Variants in MRC2 observed in about 807,000 individuals in gnomAD.
MRC2 encodes mannose receptor C-type 2.
Under a neutral mutation model 206.2 loss-of-function variants are expected in MRC2, and 84 were observed. The observed-to-expected ratio is 0.41, with a 90% CI of 0.34 to 0.49. The LOEUF (loss-of-function observed/expected upper bound fraction) is 0.49, where lower values mean the gene tolerates loss of function less well. Among genes scored for constraint, MRC2 ranks in the 20% least tolerant of loss-of-function variants. MRC2 has a pLI of 0.31. For missense variants in MRC2, 1,676 were observed against 2,001.5 expected (o/e 0.84, Z 3.10); for synonymous variants, 798 against 800.0 (o/e 1.00, Z 0.04).
rs2088875377 is a variant in MRC2, at chr17:62,675,131, A to G, written c.1570-659A>G. On this transcript the variant is annotated intron_variant, in intron 9 of 29. Transcript: ENST00000303375. The surrounding 1 kb of genome is among the most constrained non-coding windows in gnomAD (Gnocchi z 4.1). ...AGGGAGGAGTAGAGAGGAATTACCAACTTCTCTGGCACCAAGGCCAGCCTG... is the reference window on the plus strand; with the variant it reads ...AGGGAGGAGTAGAGAGGAATTACCAGCTTCTCTGGCACCAAGGCCAGCCTG... Among the ~76,000 whole-genome samples the G allele has an allele frequency of 2.0e-5, 3 of 152,036 alleles. No homozygotes were observed. The highest frequency in any genetic ancestry group is 7.2e-5 in the African/African-American group (3 of 41,394).
intron 1 of MRC2, among the ~76,000 whole-genome samples, chr17:62,663,022 C>G (rs1337707947): frequency 6.6e-6 from 1 of 152,166 alleles, no homozygotes; most frequent in African/African-American, 2.4e-5. Context: ...TGCAAAAGTT[C>G]TTTGGAGATT....
Position 62,667,691 on chromosome 17 carries a change from A to T in MRC2, c.1117+158A>T, listed in dbSNP as rs543449344. ...TATTTCATTGTTCAGTTAAAGTCTGAGCAAATTGGAATATGTCATTAATTC... is the reference window on the plus strand; with the variant it reads ...TATTTCATTGTTCAGTTAAAGTCTGTGCAAATTGGAATATGTCATTAATTC... On this transcript the variant is annotated intron_variant, in intron 6 of 29. Transcript: ENST00000303375. This position sits in a 1 kb window ranked among gnomAD's most constrained non-coding sequence, Gnocchi z 4.1. 5.3e-5 allele frequency among the ~76,000 whole-genome samples: 8 copies of T among 152,334 alleles called. No individual in the cohort carries two copies. The highest frequency in any genetic ancestry group is 1.9e-4 in the African/African-American group (8 of 41,568).
intron 20 of MRC2, 44 bp from the exon 21 acceptor site, chr17:62,688,244 TG>T: frequency 1.3e-6 from 2 of 1,565,426 alleles, no homozygotes; most frequent in Non-Finnish European, 1.8e-6. Flanking sequence ...GGTTTGTGGA[TG>T]GGGTGGTGGG....
At position 62,671,619 on chromosome 17, in the gene MRC2, C is replaced by G; in HGVS notation, c.1118-30C>G. On this transcript the variant is annotated intron_variant, in intron 6 of 29. Coordinates refer to ENST00000303375, the MANE Select transcript of MRC2 (RefSeq NM_006039.5). The surrounding 1 kb of genome is among the most constrained non-coding windows in gnomAD (Gnocchi z 4.5). The stretch of plus-strand genomic sequence containing the variant: ...GGTTCCCAGACTGGGCGGCTCAGTC[C>G]CTGAGCAGCAGCCTCATGGGTCTCT... The G allele has an allele frequency of 6.5e-7, 1 of 1,534,256 alleles. No homozygotes were observed. The highest frequency in any genetic ancestry group is 8.8e-7 in the Non-Finnish European group (1 of 1,138,424).
In MRC2 at chr17:62,675,780, CT is replaced by C. The variant is rs1466134441; in HGVS notation, c.1570-8del. ...TACAGACACCCCTCTTCTGTCCACTCTTGAGCCAGGGTTGGACGTGGCACAG... is the reference window on the plus strand; with the variant it reads ...TACAGACACCCCTCTTCTGTCCACTCTGAGCCAGGGTTGGACGTGGCACAG... On this transcript the variant is annotated splice_polypyrimidine_tract_variant and intron_variant, in intron 9 of 29. Transcript: ENST00000303375. The surrounding 1 kb of genome is among the most constrained non-coding windows in gnomAD (Gnocchi z 4.1). The C allele has an allele frequency of 2.5e-6, 4 of 1,611,790 alleles. No homozygotes were observed. The highest frequency in any genetic ancestry group is 1.7e-5 in the Admixed American group (1 of 60,024).
At chr17:62,684,769 C>T (rs181054939) in intron 20 of MRC2, among the ~76,000 whole-genome samples, 3 of 152,268 alleles carry the variant, frequency 2.0e-5, no homozygotes, top group Non-Finnish European at 4.4e-5. Flanking sequence ...TAATATAATC[C>T]ACAAATCCTT....
At chr17:62,640,136 G>A (rs984529948) in intron 1 of MRC2, among the ~76,000 whole-genome samples, 1 of 149,748 alleles carries the variant, frequency 6.7e-6, no homozygotes. Flanking sequence ...CTCCCAAAGT[G>A]CTGGGATTAC....
chr17:62,668,647 G>A (rs191971252), intron 6 of MRC2, among the ~76,000 whole-genome samples: 9 of 152,352 alleles, frequency 5.9e-5, no homozygotes, highest in African/African-American at 1.9e-4. Flanking sequence ...GTGAAGAAGA[G>A]GCAGGTTGCA....
intron 1 of MRC2, among the ~76,000 whole-genome samples, chr17:62,646,135 C>T (rs1293248229): frequency 2.0e-5 from 3 of 151,562 alleles, no homozygotes; most frequent in African/African-American, 7.3e-5. Flanking sequence ...CACCATTCTC[C>T]TGCCTCAGCC....
chr17:62,679,738 T>G, intron 13 of MRC2, 62 bp from the exon 14 acceptor site: 3 of 1,510,042 alleles, frequency 2.0e-6, no homozygotes, highest in Non-Finnish European at 1.8e-6. Flanking sequence ...AGGGGGCACG[T>G]TTGGGTTCCT....
rs370236938 is a variant in MRC2, at chr17:62,678,656, C to T, written c.2195+10C>T. The T allele has an allele frequency of 1.9e-4, 308 of 1,607,122 alleles. No homozygotes were observed. The highest frequency in any genetic ancestry group is 9.6e-4 in the Admixed American group (56 of 58,434). On this transcript the variant is annotated intron_variant, in intron 13 of 29. Transcript: ENST00000303375. Reference sequence around the variant, plus strand: ...TCAACAAGATCTTCGGGTACTGAGCCGGGCTGAGGCGTGTTAGGAGGGCAC... The same window carrying T: ...TCAACAAGATCTTCGGGTACTGAGCTGGGCTGAGGCGTGTTAGGAGGGCAC...
intron 1 of MRC2, among the ~76,000 whole-genome samples, chr17:62,636,825 T>G (rs1464856140): frequency 6.6e-6 from 1 of 152,064 alleles, no homozygotes; most frequent in Non-Finnish European, 1.5e-5. Flanking sequence ...AGGCCTGGCT[T>G]TGAACTTCTG....
At position 62,666,625 on chromosome 17, in the gene MRC2, C is replaced by T. The variant is rs747805837; in HGVS notation, c.859+6C>T. On this transcript the variant is annotated splice_donor_region_variant and intron_variant, in intron 4 of 29. Coordinates refer to ENST00000303375, the MANE Select transcript of MRC2 (RefSeq NM_006039.5). This position sits in a 1 kb window ranked among gnomAD's most constrained non-coding sequence, Gnocchi z 5.0. Reference sequence around the variant, plus strand: ...CGAGCAGACCTACATCAACGGTGAGCCGGGGCCTGATGCCTGCTCGTGCCT... The same window carrying T: ...CGAGCAGACCTACATCAACGGTGAGTCGGGGCCTGATGCCTGCTCGTGCCT... The T allele has an allele frequency of 3.1e-5, 48 of 1,564,732 alleles. 1 individual carries two copies. In the Admixed American group the frequency reaches 3.1e-4, roughly 10 times the overall value.
At chr17:62,629,229 C>T (rs2084196246) in intron 1 of MRC2, among the ~76,000 whole-genome samples, 1 of 152,194 alleles carries the variant, frequency 6.6e-6, no homozygotes, top group African/African-American at 2.4e-5. Context: ...CGCAGGGCCT[C>T]AGGAGGCAGG....
At chr17:62,674,243 T>C in intron 9 of MRC2, 73 bp downstream of exon 9, 2 of 1,120,362 alleles carry the variant, frequency 1.8e-6, no homozygotes, top group Admixed American at 5.2e-5. Flanking sequence ...GAGAGGTGGA[T>C]GAACTCCTGC....
At chr17:62,683,510 CTTTTTTTTTT>C (rs754026119) in intron 20 of MRC2, among the ~76,000 whole-genome samples, 6 of 123,928 alleles carry the variant, frequency 4.8e-5, no homozygotes, top group South Asian at 2.5e-4. Context: ...AAAAAAACAC[CTTTTTTTTTT>C]TTTTTTTTTT....
In MRC2 at chr17:62,653,756, G is replaced by T. The variant is rs547313737; in HGVS notation, c.119-10792G>T. ...GGGCTGTTGGGGAGGAGGGAGGAGG[G>T]TGTGAAAAGGGGAAGGTGGCCGGTA... On this transcript the variant is annotated intron_variant, in intron 1 of 29. Transcript: ENST00000303375. 3.3e-5 allele frequency among the ~76,000 whole-genome samples: 5 copies of T among 152,040 alleles called. No individual in the cohort carries two copies. The South Asian group carries it at 6.2e-4, about 19-fold the overall frequency.
In MRC2 at chr17:62,627,837, C is replaced by T. The variant is rs1252627467; in HGVS notation, c.35C>T (p.Pro12Leu). Residue 12 changes from proline (P) to leucine (L), a missense_variant, in exon 1 of 30, where the codon CCT becomes CTT. Pro to Leu is a moderately conservative substitution (Grantham distance 98). Coordinates refer to ENST00000303375, the MANE Select transcript of MRC2 (RefSeq NM_006039.5). ...GGCCGGCCGGCCCCCGCGCCCTGGC[C>T]TCGTCACCTGCTGCGCTGCGTCCTG... is the stretch of plus-strand genomic sequence containing the variant. ...GPGRPAPAPWPRHLLRCVLLL... is the reference protein window; with the variant it reads ...GPGRPAPAPWLRHLLRCVLLL... 4.8e-6 allele frequency: 7 copies of T among 1,469,622 alleles called. No individual in the cohort carries two copies. Among genetic ancestry groups the T allele is most frequent in the East Asian group, 6.0e-5 (2 of 33,512 alleles). The allele number at this position is 1,469,622 out of a possible 1,614,324, so 91.0% of individuals were successfully genotyped here. A position where few individuals can be genotyped will look rare whatever the true frequency, so the allele number is the denominator to read the frequency against.
At position 62,667,326 on chromosome 17, in the gene MRC2, G is replaced by A; in HGVS notation, c.974-64G>A. 6.6e-7 allele frequency: 1 copy of A among 1,515,516 alleles called. No individual in the cohort carries two copies. The highest frequency in any genetic ancestry group is 1.3e-5 in the South Asian group (1 of 75,156). The allele number at this position is 1,515,516 out of a possible 1,614,324, so 93.9% of individuals were successfully genotyped here. ...GAGGGAGGTAGGAGGTTCTGAGCAG[G>A]GCCCCGGGAGCCACGGTGTGAGCTT... On this transcript the variant is annotated intron_variant, in intron 5 of 29. Transcript: ENST00000303375. The surrounding 1 kb of genome is among the most constrained non-coding windows in gnomAD (Gnocchi z 4.1).
Sources: gnomAD v4.1 joint callset for allele counts (sites outside exome capture counted in the v4.1 genomes callset) on GRCh38, gnomAD v4.1.1 for gene constraint, Gnocchi (gnomAD v3.1) non-coding constraint, MANE v1.5 for transcripts, NCBI Gene and HGNC (gene_info 2026-07-23, HGNC 2026-07-21) for gene names.